BCAP29: variants seen among roughly 807,000 people sequenced by gnomAD.
BCAP29 encodes the protein B cell receptor associated protein 29.
In BCAP29, 34 loss-of-function variants were observed where a neutral mutation model predicts 31.8. The observed-to-expected ratio is 1.07, with a 90% CI of 0.81 to 1.42. The LOEUF (loss-of-function observed/expected upper bound fraction) is 1.42. Among genes scored for constraint, BCAP29 ranks in the 40% most tolerant of loss-of-function variants. BCAP29 has a pLI of 0.00. For missense variants in BCAP29, 314 were observed against 269.2 expected (o/e 1.17, Z -1.16); for synonymous variants, 104 against 91.3 (o/e 1.14, Z -0.79).
At position 107,598,063 on chromosome 7, in the gene BCAP29, A is replaced by T. The variant is rs370776719; in HGVS notation, c.480+2061A>T. On this transcript the variant is annotated intron_variant, in intron 5 of 7. Transcript: ENST00000005259. The stretch of plus-strand genomic sequence containing the variant: ...TCCAGCGTCAAGTTACACATCATAA[A>T]TTTAGGCAAGTTTACAGGTGCAGTA... Among the ~76,000 whole-genome samples the T allele has an allele frequency of 5.9e-5, 9 of 152,280 alleles. No individual in the cohort carries two copies. The South Asian group carries it at 1.9e-3, about 32-fold the overall frequency.
At chr7:107,613,748 T>C (rs771694294) in intron 7 of BCAP29, 5 of 1,608,614 alleles carry the variant, frequency 3.1e-6, no homozygotes, top group Non-Finnish European at 3.4e-6. Context: ...TTTTGCTCTT[T>C]GGGATGTTTG....
intron 6 of BCAP29, among the ~76,000 whole-genome samples, chr7:107,608,456 A>C (rs1352040503): frequency 1.3e-5 from 2 of 150,278 alleles, no homozygotes; most frequent in African/African-American, 4.9e-5. Context: ...TCCATTTTGG[A>C]TATTTGTTTG....
rs1810513514 is a variant in BCAP29 at position 107,599,204 on chromosome 7, T to TAAA, written c.481-1193_481-1192insAAA. Among the ~76,000 whole-genome samples, 13 of 21,038 alleles carry TAAA rather than the reference T, an allele frequency of 6.2e-4. 1 individual carries two copies. Among genetic ancestry groups the TAAA allele is most frequent in the Admixed American group, 3.2e-3 (7 of 2,174 alleles). The allele number at this position is 21,038 out of a possible 152,430, so 13.8% of individuals were successfully genotyped here. On this transcript the variant is annotated intron_variant, in intron 5 of 7. Coordinates refer to ENST00000005259, the MANE Select transcript of BCAP29 (RefSeq NM_018844.4). ...AAATTTATATGTATATAAATACATA[T>TAAA]TTATAAATATATATATACATAATTA...
At chr7:107,601,290 CT>C (rs1278686092) in intron 6 of BCAP29, among the ~76,000 whole-genome samples, 1 of 152,054 alleles carries the variant, frequency 6.6e-6, no homozygotes, top group East Asian at 1.9e-4. Context: ...ACTGAGAAAC[CT>C]CACTTTCAGT....
At chr7:107,605,083 C>G (rs1459246593) in intron 6 of BCAP29, among the ~76,000 whole-genome samples, 1 of 152,116 alleles carries the variant, frequency 6.6e-6, no homozygotes, top group Non-Finnish European at 1.5e-5. Context: ...ATATTGCATC[C>G]TGTTTGGTTC....
At chr7:107,622,138 G>T, downstream of BCAP29, 1 of 369,262 alleles carries the variant, frequency 2.7e-6, no homozygotes, top group Non-Finnish European at 5.3e-6. Context: ...TCTCTCACAT[G>T]GACTATGACG....
At chr7:107,596,498 A>T (rs750026294) in intron 5 of BCAP29, among the ~76,000 whole-genome samples, 1 of 152,104 alleles carries the variant, frequency 6.6e-6, no homozygotes, top group Non-Finnish European at 1.5e-5. Flanking sequence ...TTATTCCTTT[A>T]TTTTCTATCT....
chr7:107,596,211 T>C (rs1251955524), intron 5 of BCAP29, among the ~76,000 whole-genome samples: 1 of 152,206 alleles, frequency 6.6e-6, no homozygotes, highest in Non-Finnish European at 1.5e-5. Context: ...TTATTTAGAT[T>C]TGCTTTTTCT....
rs1040232794 is a variant in BCAP29, at chr7:107,619,179, G to A, written c.*816G>A. ...ATTTCTAGAAAGTGTCCAAAAAGCA[G>A]TATTTCTTTCCCTTGGTTGTGAGAG... On this transcript the variant is annotated 3_prime_UTR_variant, in exon 8 of 8. Transcript: ENST00000005259. The A allele has an allele frequency of 6.6e-6, 1 of 152,420 alleles. No individual in the cohort carries two copies. The highest frequency in any genetic ancestry group is 1.5e-5 in the Non-Finnish European group (1 of 67,924). 9.4% of individuals were successfully genotyped at this position (152,420 alleles called of 1,614,324 possible). A position where few individuals can be genotyped will look rare whatever the true frequency, so the allele number is the denominator to read the frequency against.
At chr7:107,600,548 T>C (rs1305734674) in intron 6 of BCAP29, 43 bp downstream of exon 6, 2 of 1,178,966 alleles carry the variant, frequency 1.7e-6, no homozygotes, top group Non-Finnish European at 1.2e-6. Flanking sequence ...ACTAGCATGA[T>C]ATTTTATGCT....
chr7:107,598,769 C>G (rs1020740134), intron 5 of BCAP29, among the ~76,000 whole-genome samples: 2 of 151,406 alleles, frequency 1.3e-5, no homozygotes, highest in Non-Finnish European at 2.9e-5. Flanking sequence ...TAGAACCTGT[C>G]AGTATCAAGT....
intron 6 of BCAP29, among the ~76,000 whole-genome samples, chr7:107,602,865 G>A (rs1811400243): frequency 3.3e-5 from 5 of 150,968 alleles, no homozygotes; most frequent in Admixed American, 3.3e-4. Context: ...CACAGACATT[G>A]CATTTAGTGG....
chr7:107,601,547 A>T (rs1811181717), intron 6 of BCAP29, among the ~76,000 whole-genome samples: 1 of 152,230 alleles, frequency 6.6e-6, no homozygotes, highest in South Asian at 2.1e-4. Context: ...TATATTATGT[A>T]GTTGGCATAG....
At position 107,599,227 on chromosome 7, in the gene BCAP29, T is replaced by TATAATTTTTA. The variant is rs1563133940; in HGVS notation, c.481-1170_481-1169insATAATTTTTA. 1.8e-4 allele frequency among the ~76,000 whole-genome samples: 11 copies of TATAATTTTTA among 61,622 alleles called. 1 individual carries two copies. Among genetic ancestry groups the TATAATTTTTA allele is most frequent in the Admixed American group, 1.4e-3 (7 of 4,978 alleles). 40.4% of individuals were successfully genotyped at this position (61,622 alleles called of 152,430 possible). The stretch of plus-strand genomic sequence containing the variant: ...TATTTATAAATATATATATACATAA[T>TATAATTTTTA]TATATATATTTATATATAAATATAT... On this transcript the variant is annotated intron_variant, in intron 5 of 7. Transcript: ENST00000005259.
chr7:107,605,604 G>A (rs1200083808), intron 6 of BCAP29, among the ~76,000 whole-genome samples: 2 of 152,214 alleles, frequency 1.3e-5, no homozygotes, highest in South Asian at 2.1e-4. Context: ...GCAAAAAGCA[G>A]AGTGGTCTGT....
intron 1 of BCAP29, 159 bp from the exon 2 acceptor site, chr7:107,580,600 C>T: frequency 1.8e-6 from 1 of 546,888 alleles, no homozygotes; most frequent in African/African-American, 2.0e-5. Flanking sequence ...GCTTCCCGGG[C>T]CACCCTTTTC....
At chr7:107,599,058 T>C (rs1205776052) in intron 5 of BCAP29, among the ~76,000 whole-genome samples, 1 of 135,906 alleles carries the variant, frequency 7.4e-6, no homozygotes, top group Non-Finnish European at 1.5e-5. Flanking sequence ...ATAAAATATA[T>C]TTATAAATAT....
intron 6 of BCAP29, among the ~76,000 whole-genome samples, chr7:107,605,976 C>T (rs1812013582): frequency 6.6e-6 from 1 of 152,108 alleles, no homozygotes; most frequent in Non-Finnish European, 1.5e-5. Context: ...TTATTTTCTA[C>T]AATGAATTTC....
At chr7:107,593,852 CATT>C in intron 3 of BCAP29, 100 bp from the exon 4 acceptor site, 3 of 1,191,844 alleles carry the variant, frequency 2.5e-6, no homozygotes, top group Non-Finnish European at 3.5e-6. Context: ...GCCTAAAGTC[CATT>C]ATTTAAAAGT....
Sources: allele counts gnomAD v4.1 joint callset (sites outside exome capture counted in the v4.1 genomes callset), GRCh38; gene constraint gnomAD v4.1.1; transcripts MANE v1.5; gene names NCBI Gene and HGNC (gene_info 2026-07-23, HGNC 2026-07-21).